Variants in ADAMTS19 observed in about 807,000 individuals in gnomAD.
ADAMTS19 encodes ADAM metallopeptidase with thrombospondin type 1 motif 19, also known as A disintegrin and metalloproteinase with thrombospondin motifs 19.
Under a neutral mutation model 153.3 loss-of-function variants are expected in ADAMTS19, and 93 were observed. That is an observed-to-expected ratio of 0.61 (90% CI 0.51 to 0.72). The LOEUF is 0.72. Among genes scored for constraint, ADAMTS19 ranks in the 30% least tolerant of loss-of-function variants. The probability of loss-of-function intolerance (pLI) is 0.00; values close to 1 mark genes in which losing one functional copy is unlikely to be tolerated. For synonymous variants in ADAMTS19, 600 were observed against 556.6 expected (o/e 1.08, Z -1.10); for missense variants, 1,482 against 1,552.1 (o/e 0.95, Z 0.76).
intron 10 of ADAMTS19, among the ~76,000 whole-genome samples, chr5:129,634,858 A>C (rs1184711340): frequency 6.6e-6 from 1 of 151,802 alleles, no homozygotes; most frequent in Non-Finnish European, 1.5e-5. Flanking sequence ...CATGACAAAG[A>C]CTCCAAAAGC....
intron 6 of ADAMTS19, among the ~76,000 whole-genome samples, chr5:129,544,750 T>C: frequency 6.6e-6 from 1 of 152,138 alleles, no homozygotes; most frequent in East Asian, 1.9e-4. Context: ...GGAACTGAAA[T>C]GATTACACAC....
At position 129,577,145 on chromosome 5, in the gene ADAMTS19, GC is replaced by G. The variant is rs1749170209; in HGVS notation, c.1373-19412del. On this transcript the variant is annotated intron_variant, in intron 7 of 22. Coordinates refer to ENST00000274487, the MANE Select transcript of ADAMTS19 (RefSeq NM_133638.6). ...CCTCCTCACCTGCCATCAGAGAGAAGCCTTTAGAGGACTAGAAAGACATCAG... is the reference window on the plus strand; with the variant it reads ...CCTCCTCACCTGCCATCAGAGAGAAGCTTTAGAGGACTAGAAAGACATCAG... Among the ~76,000 whole-genome samples, 3 of 152,118 alleles carry G rather than the reference GC, an allele frequency of 2.0e-5. 1 individual carries two copies. The South Asian group carries it at 6.2e-4, about 31-fold the overall frequency.
At chr5:129,545,956 A>G (rs1752839349) in intron 6 of ADAMTS19, among the ~76,000 whole-genome samples, 1 of 149,344 alleles carries the variant, frequency 6.7e-6, no homozygotes, top group Non-Finnish European at 1.5e-5. Flanking sequence ...TTGCGGCACT[A>G]TTCACAATAG....
intron 6 of ADAMTS19, among the ~76,000 whole-genome samples, chr5:129,533,104 A>C (rs1479791321): frequency 5.3e-5 from 8 of 150,718 alleles, no homozygotes; most frequent in Admixed American, 1.3e-4. Context: ...CTCCACCACA[A>C]AAAAAAAAAT....
At chr5:129,558,951 C>T (rs991473679) in intron 7 of ADAMTS19, among the ~76,000 whole-genome samples, 1 of 151,734 alleles carries the variant, frequency 6.6e-6, no homozygotes, top group Admixed American at 6.6e-5. Context: ...TTAGAGAGTA[C>T]ACAGAAATGT....
At chr5:129,464,060 A>C (rs1749777234) in intron 2 of ADAMTS19, among the ~76,000 whole-genome samples, 1 of 152,144 alleles carries the variant, frequency 6.6e-6, no homozygotes, top group Admixed American at 6.5e-5. Context: ...AGAGGATTTC[A>C]CCAGGCAGAA....
At chr5:129,645,316 A>G (rs1561623849) in intron 11 of ADAMTS19, among the ~76,000 whole-genome samples, 1 of 152,196 alleles carries the variant, frequency 6.6e-6, no homozygotes, top group African/African-American at 2.4e-5. Flanking sequence ...AATGATATTT[A>G]TGGAAAGCAT....
intron 3 of ADAMTS19, among the ~76,000 whole-genome samples, chr5:129,521,901 T>C (rs1191594357): frequency 3.9e-5 from 6 of 152,106 alleles, no homozygotes; most frequent in Non-Finnish European, 8.8e-5. Flanking sequence ...GGAGAATGAA[T>C]ACTGATAGAC....
At position 129,645,885 on chromosome 5, in the gene ADAMTS19, ATT is replaced by A. The variant is rs529444004; in HGVS notation, c.1873-1860_1873-1859del. Among the ~76,000 whole-genome samples, 426 of 97,088 alleles carry A rather than the reference ATT, an allele frequency of 4.4e-3. 3 individuals carry two copies. The highest frequency in any genetic ancestry group is 9.0e-3 in the African/African-American group (202 of 22,510). The allele number at this position is 97,088 out of a possible 152,430, so 63.7% of individuals were successfully genotyped here. A position where few individuals can be genotyped will look rare whatever the true frequency, so the allele number is the denominator to read the frequency against. On this transcript the variant is annotated intron_variant, in intron 11 of 22. Transcript: ENST00000274487. ...CACATGGTTTCTTTCTCCTTTTCCA[ATT>A]TTTTTTTTTTTTTTTTTTTGAGACG... is the stretch of plus-strand genomic sequence containing the variant.
intron 21 of ADAMTS19, among the ~76,000 whole-genome samples, chr5:129,707,737 CAGTT>C (rs753613677): frequency 7.2e-5 from 11 of 152,154 alleles, no homozygotes; most frequent in Non-Finnish European, 1.6e-4. Flanking sequence ...CCTCTGAGGT[CAGTT>C]AATCTGTCAG....
intron 7 of ADAMTS19, among the ~76,000 whole-genome samples, chr5:129,584,672 C>T (rs2126893147): frequency 6.6e-6 from 1 of 152,294 alleles, no homozygotes; most frequent in African/African-American, 2.4e-5. Context: ...TGAGTTTGAA[C>T]TTCCTGGTAG....
chr5:129,654,279 A>G (rs376987376), intron 13 of ADAMTS19, 27 bp from the exon 14 acceptor site: 3 of 1,553,014 alleles, frequency 1.9e-6, no homozygotes, highest in Non-Finnish European at 8.6e-7. Flanking sequence ...ACTTTTTCTC[A>G]TTTCTTTTTA....
At chr5:129,582,366 T>G (rs1482695091) in intron 7 of ADAMTS19, among the ~76,000 whole-genome samples, 1 of 151,760 alleles carries the variant, frequency 6.6e-6, no homozygotes, top group African/African-American at 2.4e-5. Context: ...TCTTTATCTT[T>G]TTTTTTAATC....
chr5:129,712,083 T>C (rs1254400302), intron 21 of ADAMTS19, among the ~76,000 whole-genome samples: 1 of 152,142 alleles, frequency 6.6e-6, no homozygotes, highest in Non-Finnish European at 1.5e-5. Flanking sequence ...ATTCCTGAAA[T>C]AGGTTAGCAT....
intron 19 of ADAMTS19, 137 bp from the exon 20 acceptor site, chr5:129,701,251 A>T: frequency 1.1e-6 from 1 of 921,800 alleles, no homozygotes; most frequent in South Asian, 1.6e-5. Context: ...AGCCACATGG[A>T]ACTGTGTCAA....
At chr5:129,601,757 C>G (rs781401377) in intron 8 of ADAMTS19, among the ~76,000 whole-genome samples, 1 of 152,082 alleles carries the variant, frequency 6.6e-6, no homozygotes, top group Non-Finnish European at 1.5e-5. Flanking sequence ...ATTGGCAACC[C>G]GAGAAGCTAT....
At chr5:129,565,926 G>A (rs755002452) in intron 7 of ADAMTS19, among the ~76,000 whole-genome samples, 6 of 151,906 alleles carry the variant, frequency 3.9e-5, no homozygotes, top group Admixed American at 2.6e-4. Flanking sequence ...GGGGAAAATT[G>A]GCAAATCTGT....
intron 13 of ADAMTS19, among the ~76,000 whole-genome samples, chr5:129,650,907 A>G (rs1243103568): frequency 6.6e-6 from 1 of 152,164 alleles, no homozygotes; most frequent in Admixed American, 6.5e-5. Flanking sequence ...CCACCAACAC[A>G]AGTCTTTCTA....
chr5:129,669,036 C>T (rs30666), intron 16 of ADAMTS19, among the ~76,000 whole-genome samples: 79,234 of 151,462 alleles, frequency 0.52, 23,336 homozygotes, highest in Non-Finnish European at 0.66. Flanking sequence ...GGCATAAAGA[C>T]AGACATCTAA....
Sources: allele counts gnomAD v4.1 joint callset (sites outside exome capture counted in the v4.1 genomes callset), GRCh38; gene constraint gnomAD v4.1.1; transcripts MANE v1.5; gene names NCBI Gene and HGNC (gene_info 2026-07-23, HGNC 2026-07-21).